Variants in BTD observed in about 807,000 individuals in gnomAD.
BTD encodes biocytinase.
BTD carries 13 observed loss-of-function variants against 17.7 expected under a neutral mutation model. The ratio of observed to expected loss-of-function variants is 0.74; its 90% CI spans 0.48 to 1.17. BTD has a LOEUF of 1.17. BTD is among the 50% of genes most tolerant of loss of function. The pLI is 0.00. For synonymous variants in BTD, 240 were observed against 245.2 expected (o/e 0.98, Z 0.20); for missense variants, 674 against 650.4 (o/e 1.04, Z -0.39).
chr3:15,685,013 C>T (rs753441973), intron 3 of BTD: 22 of 571,748 alleles, frequency 3.8e-5, no homozygotes, highest in Non-Finnish European at 6.5e-5. Context: ...CATGGCTTAT[C>T]TCAGAACACC....
chr3:15,640,661 G>A (rs1487646157), intron 2 of BTD, among the ~76,000 whole-genome samples: 1 of 152,124 alleles, frequency 6.6e-6, no homozygotes, highest in Admixed American at 6.5e-5. Context: ...GAAGTGCTGG[G>A]ATTACAGGCG....
In BTD at chr3:15,601,887, A is replaced by G; in HGVS notation, c.-24A>G. 6.2e-7 allele frequency: 1 copy of G among 1,613,994 alleles called. No homozygotes were observed. Among genetic ancestry groups the G allele is most frequent in the Admixed American group, 1.7e-5 (1 of 60,018 alleles). On this transcript the variant is annotated 5_prime_UTR_variant, in exon 1 of 4. Coordinates refer to ENST00000643237, the MANE Select transcript of BTD (RefSeq NM_001370658.1). The stretch of plus-strand genomic sequence containing the variant: ...GCATATTCAGGGCGGAAGGCGCGCT[A>G]AGAGCAGGTACGGAGGGGGCGTGGT...
chr3:15,612,675 A>G (rs997660126), intron 1 of BTD, among the ~76,000 whole-genome samples: 1 of 147,888 alleles, frequency 6.8e-6, no homozygotes, highest in Admixed American at 6.9e-5. Context: ...GTTTTCTTCA[A>G]TTACATCTTT....
At chr3:15,661,469 G>C (rs1354363743) in intron 3 of BTD, among the ~76,000 whole-genome samples, 6 of 152,044 alleles carry the variant, frequency 3.9e-5, no homozygotes, top group African/African-American at 1.2e-4. Flanking sequence ...TGAGATGCCT[G>C]TTAAGGTTTT....
intron 1 of BTD, chr3:15,631,520 A>G: frequency 6.7e-7 from 1 of 1,501,472 alleles, no homozygotes. Flanking sequence ...CTTGTGTGTA[A>G]AAATATCTAG....
At chr3:15,653,811 G>A (rs186220736), downstream of BTD, among the ~76,000 whole-genome samples, 9 of 152,326 alleles carry the variant, frequency 5.9e-5, no homozygotes, top group African/African-American at 2.2e-4. Context: ...AAAAAATCAC[G>A]TGTGAAAGTT....
At chr3:15,637,671 C>G (rs2065386673) in intron 2 of BTD, among the ~76,000 whole-genome samples, 1 of 152,200 alleles carries the variant, frequency 6.6e-6, no homozygotes, top group South Asian at 2.1e-4. Flanking sequence ...CACTGATCTC[C>G]TAGAGGGCAG....
At chr3:15,715,898 A>T (rs1343553713), downstream of BTD, among the ~76,000 whole-genome samples, 2 of 152,184 alleles carry the variant, frequency 1.3e-5, no homozygotes, top group African/African-American at 2.4e-5. Flanking sequence ...GCAAAAAAGC[A>T]TCTTGGCAAA....
chr3:15,620,335 G>A (rs765063927), intron 1 of BTD, among the ~76,000 whole-genome samples: 29 of 152,070 alleles, frequency 1.9e-4, no homozygotes, highest in African/African-American at 4.6e-4. Context: ...CCCCAGGAGC[G>A]CATTCCTTTC....
downstream of BTD, among the ~76,000 whole-genome samples, chr3:15,717,696 C>A (rs1271419827): frequency 6.6e-6 from 1 of 152,130 alleles, no homozygotes; most frequent in Non-Finnish European, 1.5e-5. Flanking sequence ...TGACCAAAAT[C>A]TATTCTTAAA....
At chr3:15,712,121 CT>C in exon 4 of BTD, 1 of 1,555,540 alleles carries the variant, frequency 6.4e-7, no homozygotes, top group Non-Finnish European at 8.7e-7. Flanking sequence ...ATACAAAAGG[CT>C]GCAAAGGTTA....
intron 3 of BTD, among the ~76,000 whole-genome samples, chr3:15,660,698 A>C (rs1284830714): frequency 6.6e-6 from 1 of 152,214 alleles, no homozygotes; most frequent in East Asian, 1.9e-4. Flanking sequence ...CTTAGTGGCA[A>C]GTTTACAGGT....
chr3:15,656,230 T>TATTGTATAGCCCCTAGGC (rs1235745294), downstream of BTD, among the ~76,000 whole-genome samples: 7 of 152,226 alleles, frequency 4.6e-5, no homozygotes, highest in Non-Finnish European at 1.0e-4. Context: ...TTGCCCCTAG[T>TATTGTATAGCCCCTAGGC]TATTGTAAAA....
chr3:15,692,182 T>A (rs1056551692), intron 3 of BTD, among the ~76,000 whole-genome samples: 1 of 147,192 alleles, frequency 6.8e-6, no homozygotes, highest in African/African-American at 2.5e-5. Flanking sequence ...TTGGGCATGG[T>A]CACTCACACC....
chr3:15,613,550 T>G (rs1289343438), intron 1 of BTD, among the ~76,000 whole-genome samples: 4 of 152,020 alleles, frequency 2.6e-5, no homozygotes, highest in Non-Finnish European at 5.9e-5. Context: ...CTTCTCCTCC[T>G]TTCCTCCCCT....
At chr3:15,627,197 A>G (rs2065087698) in intron 1 of BTD, among the ~76,000 whole-genome samples, 1 of 152,062 alleles carries the variant, frequency 6.6e-6, no homozygotes, top group Non-Finnish European at 1.5e-5. Context: ...CCACGCATGG[A>G]TCAAGAGCAC....
chr3:15,631,000 A>G (rs2065190610), intron 1 of BTD, among the ~76,000 whole-genome samples: 1 of 152,230 alleles, frequency 6.6e-6, no homozygotes, highest in Non-Finnish European at 1.5e-5. Flanking sequence ...ATAAAAGATC[A>G]TTTTTGTGAT....
chr3:15,637,011 C>G (rs1210119703), intron 2 of BTD, among the ~76,000 whole-genome samples: 2 of 152,070 alleles, frequency 1.3e-5, no homozygotes, highest in Non-Finnish European at 2.9e-5. Context: ...GTCTTCCTTT[C>G]AATGAGCAGC....
At chr3:15,630,331 A>G (rs1025066502) in intron 1 of BTD, among the ~76,000 whole-genome samples, 8 of 152,222 alleles carry the variant, frequency 5.3e-5, no homozygotes, top group African/African-American at 1.9e-4. Context: ...CAGTTTGTCC[A>G]CGGAGTGGCA....
Sources: allele counts gnomAD v4.1 joint callset (sites outside exome capture counted in the v4.1 genomes callset), GRCh38; gene constraint gnomAD v4.1.1; transcripts MANE v1.5; gene names NCBI Gene and HGNC (gene_info 2026-07-23, HGNC 2026-07-21).